The following BARD1 variants were observed in gnomAD, a reference collection of about 807,000 sequenced individuals.
The protein encoded by BARD1 is BRCA1 associated RING domain 1.
BARD1 carries 73 observed loss-of-function variants against 77.0 expected under a neutral mutation model. The observed-to-expected ratio is 0.95, with a 90% CI of 0.79 to 1.15. The LOEUF (loss-of-function observed/expected upper bound fraction) is 1.15. BARD1 is among the 50% of genes most tolerant of loss of function. BARD1 has a pLI of 0.00. For missense variants in BARD1, 993 were observed against 938.8 expected, an observed-to-expected ratio of 1.06 and a Z score of -0.75; for synonymous variants, 384 against 338.0, an observed-to-expected ratio of 1.14 and a Z score of -1.49.
chr2:214,776,645 A>G (rs548033223), intron 4 of BARD1, among the ~76,000 whole-genome samples: 3 of 152,216 alleles, frequency 2.0e-5, no homozygotes, highest in African/African-American at 7.2e-5. Context: ...AAGGGAAATT[A>G]GGAAGCTACT....
intron 9 of BARD1, among the ~76,000 whole-genome samples, chr2:214,732,636 C>G (rs1194109743): frequency 2.6e-5 from 4 of 152,156 alleles, no homozygotes; most frequent in Non-Finnish European, 5.9e-5. Context: ...ACCTCGTGAT[C>G]TGCACACCTC....
chr2:214,780,878 A>C lies in BARD1; in HGVS notation c.996T>G (p.Ile332Met), dbSNP rs1574818059. ...RGHHNRLSSPISKRCRTSILS... is the reference protein window; with the variant it reads ...RGHHNRLSSPMSKRCRTSILS... ...GAATGCTGGTTCTACATCTCTTAGA[A>C]ATGGGACTGGAAAGTCTATTGTGAT... Residue 332 changes from isoleucine to methionine, a missense_variant, in exon 4 of 11, where the codon ATT (isoleucine) becomes ATG (methionine). Coordinates refer to ENST00000260947, the MANE Select transcript of BARD1 (RefSeq NM_000465.4). 1 of 1,614,104 alleles carries C rather than the reference A, an allele frequency of 6.2e-7. No homozygotes were observed. Among genetic ancestry groups the C allele is most frequent in the Non-Finnish European group, 8.5e-7 (1 of 1,179,986 alleles).
At chr2:214,785,830 C>T (rs898076557) in intron 3 of BARD1, among the ~76,000 whole-genome samples, 1 of 151,912 alleles carries the variant, frequency 6.6e-6, no homozygotes, top group African/African-American at 2.4e-5. Flanking sequence ...TTTCATGCTG[C>T]CTGACAAACA....
At chr2:214,766,337 T>C (rs1278408891) in intron 6 of BARD1, among the ~76,000 whole-genome samples, 4 of 152,206 alleles carry the variant, frequency 2.6e-5, no homozygotes, top group African/African-American at 7.2e-5. Context: ...AATTCTTATA[T>C]GCTTTACCTG....
chr2:214,787,912 G>C (rs1350108185), intron 3 of BARD1, among the ~76,000 whole-genome samples: 1 of 151,932 alleles, frequency 6.6e-6, no homozygotes, highest in African/African-American at 2.4e-5. Flanking sequence ...TGACGAACCA[G>C]TCCCTTATTA....
intron 4 of BARD1, among the ~76,000 whole-genome samples, chr2:214,771,357 A>G (rs955938574): frequency 2.0e-5 from 3 of 151,924 alleles, no homozygotes; most frequent in African/African-American, 7.3e-5. Flanking sequence ...TTTTTCTGAA[A>G]TTTTTTTCCT....
intron 1 of BARD1, among the ~76,000 whole-genome samples, chr2:214,808,374 A>C (rs139305834): frequency 6.6e-6 from 1 of 152,186 alleles, no homozygotes; most frequent in African/African-American, 2.4e-5. Flanking sequence ...GTGCCACTGC[A>C]CTCCAGCCTG....
intron 9 of BARD1, among the ~76,000 whole-genome samples, chr2:214,741,232 C>G (rs1348459405): frequency 6.6e-6 from 1 of 151,986 alleles, no homozygotes; most frequent in Non-Finnish European, 1.5e-5. Flanking sequence ...ACTTCTACAG[C>G]TGCAATTTTA....
chr2:214,793,664 G>A (rs1160984798), intron 2 of BARD1, among the ~76,000 whole-genome samples: 1 of 152,054 alleles, frequency 6.6e-6, no homozygotes. Context: ...TACTTGTCCA[G>A]CACTGCACTA....
At chr2:214,740,326 C>A (rs1692762614) in intron 9 of BARD1, among the ~76,000 whole-genome samples, 1 of 151,964 alleles carries the variant, frequency 6.6e-6, no homozygotes, top group Non-Finnish European at 1.5e-5. Flanking sequence ...AGACCAAAGC[C>A]CTTCCCTATC....
At chr2:214,771,943 A>AAAAG (rs59814038) in intron 4 of BARD1, among the ~76,000 whole-genome samples, 2 of 143,336 alleles carry the variant, frequency 1.4e-5, no homozygotes, top group African/African-American at 5.4e-5. Context: ...AAAAAAAAAA[A>AAAAG]GCAACATTTT....
chr2:214,796,703 T>C, intron 2 of BARD1: 2 of 230,366 alleles, frequency 8.7e-6, no homozygotes, highest in Non-Finnish European at 1.7e-5. Flanking sequence ...AGGAAACTAA[T>C]ATAATAACTG....
rs1303507509 is a variant in BARD1, at chr2:214,728,203, A to G, written c.*473T>C. The G allele has an allele frequency of 8.6e-6, 2 of 232,296 alleles. No individual in the cohort carries two copies. Among genetic ancestry groups the G allele is most frequent in the Non-Finnish European group, 1.7e-5 (2 of 117,984 alleles). 14.4% of individuals were successfully genotyped at this position (232,296 alleles called of 1,614,324 possible). ...ACAATTGCAGATAGGAGAATTTAAC[A>G]CCTATGGTGGCACATTTAGACCAAA... On this transcript the variant is annotated 3_prime_UTR_variant, in exon 11 of 11. Transcript: ENST00000260947.
chr2:214,762,724 T>C (rs1164769624), intron 6 of BARD1, among the ~76,000 whole-genome samples: 1 of 152,200 alleles, frequency 6.6e-6, no homozygotes, highest in South Asian at 2.1e-4. Flanking sequence ...CCACTGTATA[T>C]ACTTACCAAT....
At chr2:214,777,092 T>G (rs1156780818) in intron 4 of BARD1, among the ~76,000 whole-genome samples, 3 of 152,146 alleles carry the variant, frequency 2.0e-5, no homozygotes, top group African/African-American at 7.2e-5. Flanking sequence ...TGAAAACAGC[T>G]GACAACATGA....
chr2:214,773,058 AGTGT>A (rs944407426), intron 4 of BARD1, among the ~76,000 whole-genome samples: 11 of 152,270 alleles, frequency 7.2e-5, no homozygotes, highest in African/African-American at 2.4e-4. Context: ...TGAAAATAAG[AGTGT>A]GTGTGTGTCC....
At position 214,726,951 on chromosome 2, in the gene BARD1, C is replaced by T. The variant is rs1474075607; in HGVS notation, c.*1725G>A. On this transcript the variant is annotated 3_prime_UTR_variant, in exon 11 of 11. Coordinates refer to ENST00000260947, the MANE Select transcript of BARD1 (RefSeq NM_000465.4). ...AGACACAAACCTGTCTAAAATGTGA[C>T]CTATGAGGCAACAGAAAGTGACTTA... is the stretch of plus-strand genomic sequence containing the variant. 3 of 220,806 alleles carry T rather than the reference C, an allele frequency of 1.4e-5. No homozygotes were observed. Among genetic ancestry groups the T allele is most frequent in the Non-Finnish European group, 2.6e-5 (3 of 113,746 alleles). The allele number at this position is 220,806 out of a possible 1,614,324, so 13.7% of individuals were successfully genotyped here. A position where few individuals can be genotyped will look rare whatever the true frequency, so the allele number is the denominator to read the frequency against.
chr2:214,792,336 T>C lies in BARD1; in HGVS notation c.325A>G (p.Ser109Gly), dbSNP rs764746353. ...RQLDSMIQLC[S>G]KLRNLLHDNE... The stretch of plus-strand genomic sequence containing the variant: ...TCATGTAGCAAATTTCGAAGCTTAC[T>C]ACAAAGTTGAATCATGCTGTCCAGT... The change falls in exon 3 of 11, where the codon AGT (serine) becomes GGT (glycine). Residue 109 changes from serine to glycine, a missense_variant. Transcript: ENST00000260947. The C allele has an allele frequency of 3.7e-6, 6 of 1,613,456 alleles. No homozygotes were observed. The highest frequency in any genetic ancestry group is 4.2e-6 in the Non-Finnish European group (5 of 1,179,746).
rs587780035 is a variant in BARD1, at chr2:214,781,165, G to T, written c.709C>A (p.Gln237Lys). ...TGGCTACAGAAGGATACCAGCTTTTGCTTAGATTCCTCTTTGGAGTCAAAT... is the reference window on the plus strand; with the variant it reads ...TGGCTACAGAAGGATACCAGCTTTTTCTTAGATTCCTCTTTGGAGTCAAAT... The part of the protein sequence containing the change: ...GEFDSKEESK[Q>K]KLVSFCSQPS... Residue 237 changes from glutamine (Q) to lysine (K), a missense_variant, in exon 4 of 11, where the codon CAA becomes AAA. Physicochemically the swap from Gln to Lys is moderately conservative, Grantham distance 53 (BLOSUM62 1). Transcript: ENST00000260947. 1.3e-6 allele frequency: 2 copies of T among 1,579,560 alleles called. No individual in the cohort carries two copies.
Sources: gnomAD v4.1 joint callset for allele counts (sites outside exome capture counted in the v4.1 genomes callset) on GRCh38, gnomAD v4.1.1 for gene constraint, MANE v1.5 for transcripts, NCBI Gene and HGNC (gene_info 2026-07-23, HGNC 2026-07-21) for gene names.